The following MAP7 variants were observed in gnomAD, a reference collection of about 807,000 sequenced individuals.
MAP7 encodes microtubule associated protein 7, also known as ensconsin.
A neutral mutation model predicts 94.8 loss-of-function variants in MAP7; 52 were observed. The observed-to-expected ratio is 0.55, with a 90% CI of 0.44 to 0.69. The LOEUF is 0.69. Among genes scored for constraint, MAP7 ranks in the 30% least tolerant of loss-of-function variants. The pLI, the probability that MAP7 is intolerant of heterozygous loss-of-function variation, is 0.00. For synonymous variants in MAP7, 350 were observed against 357.0 expected (o/e 0.98, Z 0.22); for missense variants, 940 against 964.6 (o/e 0.97, Z 0.34).
chr6:136,483,158 T>C (rs920768380), intron 1 of MAP7, among the ~76,000 whole-genome samples: 3 of 135,174 alleles, frequency 2.2e-5, no homozygotes, highest in East Asian at 2.3e-4. Flanking sequence ...GAAAAGAAAA[T>C]GTGGTACATA....
intron 1 of MAP7, chr6:136,526,071 T>A (rs1827766216): frequency 1.4e-6 from 2 of 1,434,984 alleles, no homozygotes; most frequent in Admixed American, 5.8e-5. Context: ...TGCCTGTTCA[T>A]TTGAGCACTT....
intron 5 of MAP7, among the ~76,000 whole-genome samples, chr6:136,388,120 T>A (rs576305086): frequency 4.3e-4 from 66 of 152,338 alleles, no homozygotes; most frequent in African/African-American, 1.4e-3. Flanking sequence ...TAATGTAGTG[T>A]TGAAGCTAGC....
chr6:136,539,594 C>T (rs1013475631), intron 1 of MAP7, among the ~76,000 whole-genome samples: 9 of 152,144 alleles, frequency 5.9e-5, no homozygotes, highest in African/African-American at 2.2e-4. Flanking sequence ...GATAGGAAAT[C>T]ATGCTGCCAA....
At chr6:136,410,016 T>C (rs1025547094) in intron 3 of MAP7, among the ~76,000 whole-genome samples, 3 of 152,216 alleles carry the variant, frequency 2.0e-5, no homozygotes, top group Non-Finnish European at 4.4e-5. Flanking sequence ...TACACCTTTA[T>C]AGTATAAGTA....
intron 1 of MAP7, among the ~76,000 whole-genome samples, chr6:136,486,028 A>C (rs1296919880): frequency 6.6e-6 from 1 of 152,210 alleles, no homozygotes; most frequent in Non-Finnish European, 1.5e-5. Context: ...CAATTAGAGT[A>C]ATAAACCATC....
At chr6:136,429,679 G>A (rs1009115098) in intron 1 of MAP7, among the ~76,000 whole-genome samples, 4 of 152,092 alleles carry the variant, frequency 2.6e-5, no homozygotes, top group Admixed American at 6.6e-5. Context: ...GCAGCTCCTC[G>A]ATTCACATCA....
chr6:136,383,559 T>C lies in MAP7; in HGVS notation c.637+112A>G, dbSNP rs1036696457. The C allele has an allele frequency of 2.3e-5, 13 of 559,564 alleles. No homozygotes were observed. The African/African-American group carries it at 2.4e-4, about 10-fold the overall frequency. The allele number at this position is 559,564 out of a possible 1,614,324, so 34.7% of individuals were successfully genotyped here. A position where few individuals can be genotyped will look rare whatever the true frequency, so the allele number is the denominator to read the frequency against. ...TTACTCTGAAGTTTTTTTCTTCCTATTTAAGAAACGTAGGGAAAGCAACTT... is the reference window on the plus strand; with the variant it reads ...TTACTCTGAAGTTTTTTTCTTCCTACTTAAGAAACGTAGGGAAAGCAACTT... On this transcript the variant is annotated intron_variant, in intron 6 of 17. Coordinates refer to ENST00000354570, the MANE Select transcript of MAP7 (RefSeq NM_003980.6).
At chr6:136,520,020 G>A (rs1825926415) in intron 1 of MAP7, among the ~76,000 whole-genome samples, 1 of 151,812 alleles carries the variant, frequency 6.6e-6, no homozygotes, top group African/African-American at 2.4e-5. Context: ...GCAACAAAGT[G>A]AGACCCCACC....
At position 136,411,711 on chromosome 6, in the gene MAP7, TA is replaced by T. The variant is rs772661573; in HGVS notation, c.167-15del. On this transcript the variant is annotated splice_polypyrimidine_tract_variant and intron_variant, in intron 2 of 17. Coordinates refer to ENST00000354570, the MANE Select transcript of MAP7 (RefSeq NM_003980.6). ...CAGGCGGAGGGTCTGAAAGCGAGAT[TA>T]AAAAAAACATGAGATGAAGAGTGGA... The T allele has an allele frequency of 9.1e-6, 14 of 1,535,896 alleles. No homozygotes were observed. Among genetic ancestry groups the T allele is most frequent in the Admixed American group, 2.0e-5 (1 of 49,470 alleles).
At chr6:136,513,938 T>C (rs1412062672) in intron 1 of MAP7, among the ~76,000 whole-genome samples, 1 of 152,206 alleles carries the variant, frequency 6.6e-6, no homozygotes, top group Admixed American at 6.5e-5. Context: ...CTGCCACCAC[T>C]GGACTCTCTC....
chr6:136,543,507 G>A lies in MAP7; in HGVS notation c.67+6835C>T, dbSNP rs569872331. Among the ~76,000 whole-genome samples the A allele has an allele frequency of 5.9e-5, 9 of 152,170 alleles. No individual in the cohort carries two copies. In the South Asian group the frequency reaches 1.0e-3, roughly 18 times the overall value. ...CTCTACTAAAAATACAAAATTAGCC[G>A]GGCATGGTGGCACATGCCTGTAATC... On this transcript the variant is annotated intron_variant, in intron 1 of 17. Coordinates refer to ENST00000354570, the MANE Select transcript of MAP7 (RefSeq NM_003980.6).
rs141058147 is a variant in MAP7, at chr6:136,473,412, A to G, written c.68-51613T>C. On this transcript the variant is annotated intron_variant, in intron 1 of 17. Transcript: ENST00000354570. ...CAAGCTGCAATCTCAAAGTTCAGAC[A>G]TAACTGCTATAAATATTTTAGTATC... Among the ~76,000 whole-genome samples, 747 of 152,334 alleles carry G rather than the reference A, an allele frequency of 4.9e-3. 2 individuals carry two copies. The highest frequency in any genetic ancestry group is 0.024 in the Middle Eastern group (7 of 294).
At chr6:136,371,713 T>C (rs1774561681) in intron 8 of MAP7, among the ~76,000 whole-genome samples, 1 of 152,214 alleles carries the variant, frequency 6.6e-6, no homozygotes, top group Non-Finnish European at 1.5e-5. Context: ...GTGAGTCCTT[T>C]AAGACTAAAG....
intron 1 of MAP7, among the ~76,000 whole-genome samples, chr6:136,549,105 T>C (rs1004704433): frequency 6.6e-6 from 1 of 152,206 alleles, no homozygotes; most frequent in African/African-American, 2.4e-5. Flanking sequence ...AGACTTTACG[T>C]ACCCAACCTC....
intron 1 of MAP7, among the ~76,000 whole-genome samples, chr6:136,523,758 A>G (rs1407975271): frequency 6.6e-6 from 1 of 152,170 alleles, no homozygotes; most frequent in Non-Finnish European, 1.5e-5. Flanking sequence ...GGATAGAAAG[A>G]AAAATGGTAG....
chr6:136,428,361 C>T (rs1228355682), intron 1 of MAP7, among the ~76,000 whole-genome samples: 1 of 151,992 alleles, frequency 6.6e-6, no homozygotes, highest in Admixed American at 6.5e-5. Flanking sequence ...ACTAAGCATA[C>T]AAAAATTAGC....
At chr6:136,491,973 G>C (rs961096380) in intron 1 of MAP7, among the ~76,000 whole-genome samples, 6 of 152,216 alleles carry the variant, frequency 3.9e-5, no homozygotes, top group African/African-American at 1.4e-4. Flanking sequence ...ACTGGGGAGA[G>C]CGGGGGGAAA....
intron 1 of MAP7, among the ~76,000 whole-genome samples, chr6:136,441,631 A>G (rs1797894749): frequency 6.6e-6 from 1 of 152,158 alleles, no homozygotes; most frequent in African/African-American, 2.4e-5. Context: ...CCAGGGCATG[A>G]AACTTCAGAG....
At chr6:136,393,823 T>C (rs1582777507) in intron 3 of MAP7, among the ~76,000 whole-genome samples, 1 of 99,964 alleles carries the variant, frequency 1.0e-5, no homozygotes, top group African/African-American at 3.7e-5. Context: ...TTTTTTTTTT[T>C]AGAGATAGGG....
Sources: allele counts gnomAD v4.1 joint callset (sites outside exome capture counted in the v4.1 genomes callset), GRCh38; gene constraint gnomAD v4.1.1; transcripts MANE v1.5; gene names NCBI Gene and HGNC (gene_info 2026-07-23, HGNC 2026-07-21).